PRLR: variants seen among roughly 807,000 people sequenced by gnomAD.
The protein encoded by PRLR is hPRL receptor.
In PRLR, 13 loss-of-function variants were observed where a neutral mutation model predicts 40.2. The ratio of observed to expected loss-of-function variants is 0.32; its 90% CI spans 0.21 to 0.51. The LOEUF (loss-of-function observed/expected upper bound fraction) is 0.51. Ranked by LOEUF, PRLR falls within the 20% of genes least tolerant of loss-of-function variation. The pLI, the probability that PRLR is intolerant of heterozygous loss-of-function variation, is 0.97. For missense variants in PRLR, 656 were observed against 747.3 expected (o/e 0.88, Z 1.42); for synonymous variants, 269 against 278.7 (o/e 0.97, Z 0.35).
At chr5:35,158,557 G>T (rs985120273) in intron 1 of PRLR, among the ~76,000 whole-genome samples, 11 of 151,964 alleles carry the variant, frequency 7.2e-5, no homozygotes, top group Admixed American at 1.3e-4. Flanking sequence ...GATTCGAGTG[G>T]GACTGTTAAC....
intron 2 of PRLR, among the ~76,000 whole-genome samples, chr5:35,099,330 G>A (rs557440562): frequency 6.6e-6 from 1 of 152,308 alleles, no homozygotes; most frequent in South Asian, 2.1e-4. Flanking sequence ...GCCTAGTGAT[G>A]TCAGGGCCAT....
chr5:35,136,896 T>C (rs1364604158), intron 1 of PRLR, among the ~76,000 whole-genome samples: 1 of 151,820 alleles, frequency 6.6e-6, no homozygotes, highest in Admixed American at 6.6e-5. Flanking sequence ...TCGATGTTTA[T>C]GTTGCTGGTA....
chr5:35,170,720 G>C (rs1774974418), intron 1 of PRLR, among the ~76,000 whole-genome samples: 1 of 152,088 alleles, frequency 6.6e-6, no homozygotes, highest in African/African-American at 2.4e-5. Flanking sequence ...TCTAAAAAAA[G>C]AAAGCCCCTT....
intron 1 of PRLR, among the ~76,000 whole-genome samples, chr5:35,151,868 C>T (rs994514771): frequency 6.6e-6 from 1 of 152,144 alleles, no homozygotes; most frequent in African/African-American, 2.4e-5. Flanking sequence ...GTCTTATTTC[C>T]TAACTCACAG....
At chr5:35,068,119 C>G in intron 9 of PRLR, 97 bp downstream of exon 9, 1 of 1,183,970 alleles carries the variant, frequency 8.4e-7, no homozygotes. Context: ...CTGGCTGAAA[C>G]TACCAGGCTG....
chr5:35,107,599 T>C (rs988295275), intron 2 of PRLR, among the ~76,000 whole-genome samples: 2 of 151,966 alleles, frequency 1.3e-5, no homozygotes, highest in Admixed American at 6.6e-5. Flanking sequence ...TATAAAAACC[T>C]CTATGCAAAT....
chr5:35,084,419 G>T (rs1770713989), intron 5 of PRLR, 51 bp downstream of exon 5: 2 of 1,476,278 alleles, frequency 1.4e-6, no homozygotes, highest in African/African-American at 1.5e-5. Context: ...GTGACTATTG[G>T]CTAATACATA....
At chr5:35,068,970 T>C (rs1373834705) in intron 7 of PRLR, 92 bp from the exon 8 acceptor site, 1 of 868,974 alleles carries the variant, frequency 1.2e-6, no homozygotes, top group African/African-American at 1.7e-5. Flanking sequence ...CCCAAGAGTG[T>C]TTTCCTCCAT....
intron 1 of PRLR, among the ~76,000 whole-genome samples, chr5:35,136,957 A>C (rs7446939): frequency 3.7e-5 from 5 of 136,398 alleles, no homozygotes; most frequent in Non-Finnish European, 7.6e-5. Flanking sequence ...AAAGAAAAAA[A>C]AAAAAGCCTA....
At chr5:35,083,280 G>A (rs1161969559) in intron 5 of PRLR, among the ~76,000 whole-genome samples, 2 of 152,058 alleles carry the variant, frequency 1.3e-5, no homozygotes, top group Admixed American at 6.5e-5. Flanking sequence ...TATTTGGCAA[G>A]TTTTTCTAAA....
At chr5:35,176,356 C>G (rs114039590) in intron 1 of PRLR, among the ~76,000 whole-genome samples, 2,020 of 152,252 alleles carry the variant, frequency 0.013, 53 homozygotes, top group African/African-American at 0.047. Context: ...TTACATACCA[C>G]AAACTCACCC....
chr5:35,120,883 C>G (rs1773266046), intron 1 of PRLR, among the ~76,000 whole-genome samples: 1 of 152,188 alleles, frequency 6.6e-6, no homozygotes. Context: ...GCTTTGTAGG[C>G]TGAAATGTTC....
chr5:35,121,661 C>A (rs1254243117), intron 1 of PRLR, among the ~76,000 whole-genome samples: 3 of 152,186 alleles, frequency 2.0e-5, no homozygotes, highest in Non-Finnish European at 4.4e-5. Flanking sequence ...AAGAACCTTA[C>A]AGGCATTATC....
chr5:35,129,010 A>G (rs1221782864), intron 1 of PRLR, among the ~76,000 whole-genome samples: 5 of 152,196 alleles, frequency 3.3e-5, no homozygotes, highest in Non-Finnish European at 7.3e-5. Flanking sequence ...GAACTGACTC[A>G]GAGCAGGGAC....
intron 1 of PRLR, among the ~76,000 whole-genome samples, chr5:35,147,993 A>G (rs1774233639): frequency 1.3e-5 from 2 of 152,144 alleles, no homozygotes; most frequent in Admixed American, 6.5e-5. Flanking sequence ...AAATATATTT[A>G]TATGTATAAT....
chr5:35,120,390 G>A (rs189428458), intron 1 of PRLR, among the ~76,000 whole-genome samples: 17 of 152,196 alleles, frequency 1.1e-4, no homozygotes, highest in East Asian at 3.9e-4. Flanking sequence ...CTAGCTGCGC[G>A]TGCCATCCTT....
chr5:35,206,563 T>C (rs1776026981), intron 1 of PRLR, among the ~76,000 whole-genome samples: 1 of 152,058 alleles, frequency 6.6e-6, no homozygotes, highest in Non-Finnish European at 1.5e-5. Context: ...GAAGTAAAAA[T>C]GGATTAAATT....
At position 35,061,761 on chromosome 5, in the gene PRLR, T is replaced by C. The variant is rs916915584; in HGVS notation, c.*3328A>G. 2 of 152,174 alleles carry C rather than the reference T, an allele frequency of 1.3e-5. No individual in the cohort carries two copies. The highest frequency in any genetic ancestry group is 2.9e-5 in the Non-Finnish European group (2 of 68,030). The allele number at this position is 152,174 out of a possible 1,614,324, so 9.4% of individuals were successfully genotyped here. On this transcript the variant is annotated 3_prime_UTR_variant, in exon 10 of 10. Coordinates refer to ENST00000618457, the MANE Select transcript of PRLR (RefSeq NM_000949.7). The stretch of plus-strand genomic sequence containing the variant: ...TAAAACTTGAATATTTAGGTATTTG[T>C]TTATAAAAATACAACTTATTATAAC...
intron 2 of PRLR, among the ~76,000 whole-genome samples, chr5:35,110,650 T>C (rs1287754184): frequency 6.6e-6 from 1 of 152,216 alleles, no homozygotes; most frequent in East Asian, 1.9e-4. Flanking sequence ...AGAGACATGG[T>C]AACCATCTAG....
Sources: allele counts gnomAD v4.1 joint callset (sites outside exome capture counted in the v4.1 genomes callset), GRCh38; gene constraint gnomAD v4.1.1; transcripts MANE v1.5; gene names NCBI Gene and HGNC (gene_info 2026-07-23, HGNC 2026-07-21).